The following C12orf56 variants were observed in gnomAD, a reference collection of about 807,000 sequenced individuals.
C12orf56 encodes the protein chromosome 12 open reading frame 56, also known as uncharacterized protein C12orf56.
A neutral mutation model predicts 69.9 loss-of-function variants in C12orf56; 71 were observed. The ratio of observed to expected loss-of-function variants is 1.02; its 90% CI spans 0.84 to 1.24. C12orf56 has a LOEUF of 1.24. Ranked by LOEUF, C12orf56 falls within the 50% of genes most tolerant of loss-of-function variation. C12orf56 has a pLI of 0.00. For missense variants in C12orf56, 732 were observed against 738.5 expected, an observed-to-expected ratio of 0.99 and a Z score of 0.10; for synonymous variants, 276 against 274.1, an observed-to-expected ratio of 1.01 and a Z score of -0.07.
intron 2 of C12orf56, among the ~76,000 whole-genome samples, chr12:64,336,420 C>T (rs767555162): frequency 1.3e-5 from 2 of 151,890 alleles, no homozygotes; most frequent in Non-Finnish European, 2.9e-5. Flanking sequence ...CATCAAACTT[C>T]GATCTGTTTT....
At chr12:64,286,628 T>G (rs1371511841) in intron 6 of C12orf56, among the ~76,000 whole-genome samples, 1 of 152,194 alleles carries the variant, frequency 6.6e-6, no homozygotes, top group East Asian at 1.9e-4. Context: ...TTTTTTAGTG[T>G]TCCTGTCCAG....
intron 6 of C12orf56, among the ~76,000 whole-genome samples, chr12:64,297,245 A>G (rs946623643): frequency 6.6e-6 from 1 of 152,204 alleles, no homozygotes; most frequent in African/African-American, 2.4e-5. Flanking sequence ...AATTTTGTGA[A>G]AATAAATCTG....
chr12:64,276,001 A>ACCC lies in C12orf56; in HGVS notation c.1435-632_1435-630dup, dbSNP rs57825864. Among the ~76,000 whole-genome samples, 247 of 144,960 alleles carry ACCC rather than the reference A, an allele frequency of 1.7e-3. 4 individuals are homozygous for ACCC. Among genetic ancestry groups the ACCC allele is most frequent in the African/African-American group, 5.1e-3 (195 of 38,084 alleles). Reference sequence around the variant, plus strand: ...TCCTTTCAAGAATGTAGAAATACACACCCCCCCCCGCGAGTTGAGGTGAGA... The same window carrying ACCC: ...TCCTTTCAAGAATGTAGAAATACACACCCCCCCCCCCCGCGAGTTGAGGTGAGA... On this transcript the variant is annotated intron_variant, in intron 9 of 12. Coordinates refer to ENST00000543942, the MANE Select transcript of C12orf56 (RefSeq NM_001170633.2).
chr12:64,328,648 C>A (rs1273267729), intron 3 of C12orf56, among the ~76,000 whole-genome samples: 1 of 130,020 alleles, frequency 7.7e-6, no homozygotes, highest in East Asian at 2.2e-4. Context: ...CCACTGCACT[C>A]CAGCCTGGGC....
chr12:64,386,398 A>ATATATATATAT (rs752756817), intron 1 of C12orf56, among the ~76,000 whole-genome samples: 2 of 87,344 alleles, frequency 2.3e-5, no homozygotes, highest in East Asian at 3.2e-4. Context: ...ATATATATAT[A>ATATATATATAT]TTTTTTTTTT....
In C12orf56 at chr12:64,361,176, G is replaced by A. The variant is rs139848868; in HGVS notation, c.253-8120C>T. ...AGAGACTGCAGTGAACTGAGATTGC[G>A]CCACTGCACTCCAGCCTGGAGACAA... On this transcript the variant is annotated intron_variant, in intron 1 of 12. Transcript: ENST00000543942. Among the ~76,000 whole-genome samples, 652 of 152,164 alleles carry A rather than the reference G, an allele frequency of 4.3e-3. 12 individuals are homozygous for A. In the East Asian group the frequency reaches 0.072, roughly 17 times the overall value.
chr12:64,348,764 G>A (rs1246186718), intron 2 of C12orf56, among the ~76,000 whole-genome samples: 2 of 152,120 alleles, frequency 1.3e-5, no homozygotes, highest in African/African-American at 4.8e-5. Flanking sequence ...TCACAATTAA[G>A]GTTGTTATGT....
At chr12:64,308,984 G>GAA (rs1220723619) in intron 5 of C12orf56, among the ~76,000 whole-genome samples, 1 of 134,208 alleles carries the variant, frequency 7.5e-6, no homozygotes, top group Non-Finnish European at 1.6e-5. Context: ...AAGAAAGAAA[G>GAA]AAAAGAAAGA....
Position 64,266,916 on chromosome 12 carries a change from G to A in C12orf56, c.*267C>T. On this transcript the variant is annotated 3_prime_UTR_variant, in exon 13 of 13. Coordinates refer to ENST00000543942, the MANE Select transcript of C12orf56 (RefSeq NM_001170633.2). ...TAGTCGTTTATTTTGTGGCAAGAGT[G>A]AGTTTGAAGAACTACTCTAATAAAG... The A allele has an allele frequency of 2.6e-6, 1 of 378,200 alleles. No individual in the cohort carries two copies. The highest frequency in any genetic ancestry group is 4.6e-5 in the Admixed American group (1 of 21,690). The allele number at this position is 378,200 out of a possible 1,614,324, so 23.4% of individuals were successfully genotyped here.
chr12:64,299,729 G>A (rs867283861), intron 6 of C12orf56, among the ~76,000 whole-genome samples: 2 of 152,046 alleles, frequency 1.3e-5, no homozygotes, highest in South Asian at 2.1e-4. Flanking sequence ...GCTAATTCTC[G>A]ATGGTAGAAA....
chr12:64,382,205 T>G (rs2039727723), intron 1 of C12orf56, among the ~76,000 whole-genome samples: 1 of 142,780 alleles, frequency 7.0e-6, no homozygotes, highest in Non-Finnish European at 1.5e-5. Flanking sequence ...GAGTTTATAG[T>G]GAGCCGAGAT....
chr12:64,297,167 T>C (rs1196540803), intron 6 of C12orf56, among the ~76,000 whole-genome samples: 1 of 152,162 alleles, frequency 6.6e-6, no homozygotes, highest in Non-Finnish European at 1.5e-5. Flanking sequence ...TGCTTTAGCT[T>C]AAGGCTATGA....
At chr12:64,326,937 A>C (rs2038852898) in intron 3 of C12orf56, among the ~76,000 whole-genome samples, 1 of 152,198 alleles carries the variant, frequency 6.6e-6, no homozygotes, top group Non-Finnish European at 1.5e-5. Flanking sequence ...CTGGGTAGTG[A>C]GGGCTCTGCC....
At position 64,306,271 on chromosome 12, in the gene C12orf56, A is replaced by G. The variant is rs147750217; in HGVS notation, c.969-2492T>C. Among the ~76,000 whole-genome samples the G allele has an allele frequency of 1.4e-3, 216 of 152,332 alleles. 1 individual carries two copies. Among genetic ancestry groups the G allele is most frequent in the African/African-American group, 5.0e-3 (206 of 41,584 alleles). ...ATACATAGATGACAAACTTCATTTG[A>G]CTGAAGAAATAAGAAAAAGCCAAAT... is the stretch of plus-strand genomic sequence containing the variant. On this transcript the variant is annotated intron_variant, in intron 5 of 12. Coordinates refer to ENST00000543942, the MANE Select transcript of C12orf56 (RefSeq NM_001170633.2).
rs1242301923 is a variant in C12orf56, at chr12:64,390,374, C to A, written c.192G>T (p.Glu64Asp). 1 of 1,613,124 alleles carries A rather than the reference C, an allele frequency of 6.2e-7. No individual in the cohort carries two copies. The highest frequency in any genetic ancestry group is 2.2e-5 in the East Asian group (1 of 44,836). The change falls in exon 1 of 13, where the codon GAG becomes GAT. Residue 64 changes from glutamate (E) to aspartate (D), a missense_variant. Glu to Asp is a conservative substitution (Grantham distance 45). Transcript: ENST00000543942. ...VLSDRLVYLT[E>D]NPPKSIRRVV... ...CCCGCCGGATGGACTTGGGCGGGTT[C>A]TCGGTTAGGTAGACGAGCCGGTCGC...
intron 3 of C12orf56, among the ~76,000 whole-genome samples, chr12:64,321,586 C>T (rs371766748): frequency 3.3e-5 from 5 of 152,088 alleles, no homozygotes; most frequent in South Asian, 2.1e-4. Context: ...CACCTGTCTC[C>T]GCCTCCCAAA....
intron 6 of C12orf56, among the ~76,000 whole-genome samples, chr12:64,293,635 C>T (rs964347492): frequency 6.6e-6 from 1 of 152,208 alleles, no homozygotes; most frequent in Non-Finnish European, 1.5e-5. Context: ...TAATAAGTAT[C>T]ACTGTTATTA....
At chr12:64,278,498 T>C (rs2038085027) in intron 8 of C12orf56, among the ~76,000 whole-genome samples, 1 of 152,198 alleles carries the variant, frequency 6.6e-6, no homozygotes, top group South Asian at 2.1e-4. Flanking sequence ...ATTTATGGTA[T>C]ACAACATGAT....
At chr12:64,304,885 G>T (rs1201964537) in intron 5 of C12orf56, among the ~76,000 whole-genome samples, 2 of 152,116 alleles carry the variant, frequency 1.3e-5, no homozygotes, top group African/African-American at 4.8e-5. Flanking sequence ...CAGGGTGCAA[G>T]GTAACAGTAG....
Sources: allele counts gnomAD v4.1 joint callset (sites outside exome capture counted in the v4.1 genomes callset), GRCh38; gene constraint gnomAD v4.1.1; transcripts MANE v1.5; gene names NCBI Gene and HGNC (gene_info 2026-07-23, HGNC 2026-07-21).